The following PAPPA variants were observed in gnomAD, a reference collection of about 807,000 sequenced individuals.
PAPPA encodes pappalysin 1.
PAPPA carries 60 observed loss-of-function variants against 164.0 expected under a neutral mutation model. That is an observed-to-expected ratio of 0.37 (90% CI 0.30 to 0.45). The LOEUF is 0.45. Ranked by LOEUF, PAPPA falls within the 20% of genes least tolerant of loss-of-function variation. The pLI is 1.00. For missense variants in PAPPA, 1,782 were observed against 2,087.3 expected (o/e 0.85, Z 2.85); for synonymous variants, 875 against 814.1 (o/e 1.07, Z -1.27).
Position 116,333,312 on chromosome 9 carries a change from A to T in PAPPA, c.3397+844A>T, listed in dbSNP as rs559203170. 6.5e-4 allele frequency among the ~76,000 whole-genome samples: 99 copies of T among 152,286 alleles called. 1 individual carries two copies. The highest frequency in any genetic ancestry group is 2.3e-3 in the African/African-American group (97 of 41,558). On this transcript the variant is annotated intron_variant, in intron 12 of 21. Coordinates refer to ENST00000328252, the MANE Select transcript of PAPPA (RefSeq NM_002581.5). ...CACCTTAGAGTCAGAGTGCACTATTATTTGACACTGTTGTAACCATGCCTA... is the reference window on the plus strand; with the variant it reads ...CACCTTAGAGTCAGAGTGCACTATTTTTTGACACTGTTGTAACCATGCCTA...
intron 13 of PAPPA, among the ~76,000 whole-genome samples, chr9:116,338,644 A>T (rs1037715709): frequency 6.6e-6 from 1 of 152,246 alleles, no homozygotes; most frequent in African/African-American, 2.4e-5. Flanking sequence ...CAAAGGAATT[A>T]GTGCCTCTCA....
intron 9 of PAPPA, among the ~76,000 whole-genome samples, chr9:116,274,537 G>C (rs141915719): frequency 2.6e-5 from 4 of 152,330 alleles, no homozygotes; most frequent in Admixed American, 6.5e-5. Context: ...GATTGCATTT[G>C]TTAAGACAGT....
At chr9:116,244,714 T>A (rs1343304213) in intron 7 of PAPPA, among the ~76,000 whole-genome samples, 1 of 152,126 alleles carries the variant, frequency 6.6e-6, no homozygotes, top group Non-Finnish European at 1.5e-5. Context: ...ACACTTCTGA[T>A]GAAAATGTAA....
intron 14 of PAPPA, among the ~76,000 whole-genome samples, chr9:116,346,396 G>A (rs1157066806): frequency 2.0e-5 from 3 of 152,102 alleles, no homozygotes; most frequent in Admixed American, 1.3e-4. Flanking sequence ...AGTAGGGAGT[G>A]GATCTTTGAG....
intron 21 of PAPPA, 123 bp from the exon 22 acceptor site, chr9:116,396,386 A>G: frequency 4.2e-6 from 3 of 712,718 alleles, no homozygotes; most frequent in Non-Finnish European, 7.6e-6. Flanking sequence ...CAAGAAGCAG[A>G]GCCATAACTT....
chr9:116,169,476 C>A (rs974507557), intron 1 of PAPPA, among the ~76,000 whole-genome samples: 1 of 151,474 alleles, frequency 6.6e-6, no homozygotes, highest in Non-Finnish European at 1.5e-5. Flanking sequence ...CCTGCCACCA[C>A]GCCCAGCTAA....
chr9:116,300,973 C>T (rs946380722), intron 9 of PAPPA, among the ~76,000 whole-genome samples: 1 of 151,966 alleles, frequency 6.6e-6, no homozygotes, highest in African/African-American at 2.4e-5. Flanking sequence ...TTCTACATTA[C>T]AGACTGGGGA....
chr9:116,166,672 G>T (rs901064690), intron 1 of PAPPA, among the ~76,000 whole-genome samples: 7 of 152,154 alleles, frequency 4.6e-5, no homozygotes, highest in African/African-American at 1.4e-4. Context: ...CTATGTGCTG[G>T]CACTATGCTG....
chr9:116,220,189 C>A, intron 5 of PAPPA, 60 bp downstream of exon 5: 1 of 1,348,480 alleles, frequency 7.4e-7, no homozygotes, highest in South Asian at 1.3e-5. Flanking sequence ...AAGAAGGAAA[C>A]TTGGAAGGGA....
At chr9:116,193,609 ATAGACACCT>A (rs1444468041) in intron 2 of PAPPA, among the ~76,000 whole-genome samples, 1 of 152,142 alleles carries the variant, frequency 6.6e-6, no homozygotes, top group African/African-American at 2.4e-5. Context: ...ACTACACCCT[ATAGACACCT>A]TAGACACCAG....
intron 19 of PAPPA, among the ~76,000 whole-genome samples, chr9:116,374,840 C>G (rs573500763): frequency 6.6e-6 from 1 of 152,238 alleles, no homozygotes; most frequent in Admixed American, 6.5e-5. Flanking sequence ...AGAATGAAAG[C>G]AGGTGATCCT....
chr9:116,395,416 C>T (rs1264312181), intron 21 of PAPPA, among the ~76,000 whole-genome samples: 1 of 152,110 alleles, frequency 6.6e-6, no homozygotes, highest in Non-Finnish European at 1.5e-5. Context: ...ACTTGGAGAC[C>T]CTGCCCAGGC....
intron 10 of PAPPA, among the ~76,000 whole-genome samples, chr9:116,304,184 G>C (rs1277648581): frequency 6.6e-6 from 1 of 152,200 alleles, no homozygotes; most frequent in Non-Finnish European, 1.5e-5. Flanking sequence ...CTATTTGTCT[G>C]TCTGGCTCCC....
chr9:116,302,677 C>T, intron 9 of PAPPA, 80 bp from the exon 10 acceptor site: 1 of 1,165,136 alleles, frequency 8.6e-7, no homozygotes, highest in Non-Finnish European at 1.2e-6. Context: ...GGTGGTCTGA[C>T]TCTGCAGCTG....
chr9:116,393,615 C>A, intron 21 of PAPPA, among the ~76,000 whole-genome samples: 1 of 151,980 alleles, frequency 6.6e-6, no homozygotes, highest in East Asian at 1.9e-4. Flanking sequence ...AAGTAATTGC[C>A]GTTTTTACCA....
chr9:116,255,606 G>A (rs1430061414), intron 7 of PAPPA, among the ~76,000 whole-genome samples: 1 of 152,008 alleles, frequency 6.6e-6, no homozygotes, highest in African/African-American at 2.4e-5. Context: ...GGTTGGTATA[G>A]TTTGGATAAG....
intron 5 of PAPPA, among the ~76,000 whole-genome samples, chr9:116,226,641 T>C (rs892630312): frequency 1.3e-5 from 2 of 152,188 alleles, no homozygotes; most frequent in Admixed American, 6.5e-5. Flanking sequence ...CTCATTCCTC[T>C]CCCTTCTCCA....
chr9:116,217,445 G>T (rs1844388296), intron 4 of PAPPA, among the ~76,000 whole-genome samples: 1 of 152,100 alleles, frequency 6.6e-6, no homozygotes, highest in Non-Finnish European at 1.5e-5. Context: ...GAACAGATGT[G>T]CTATTTCTAA....
chr9:116,359,509 A>C (rs898914482), intron 17 of PAPPA, among the ~76,000 whole-genome samples: 1 of 152,236 alleles, frequency 6.6e-6, no homozygotes, highest in Non-Finnish European at 1.5e-5. Context: ...GACAACACCT[A>C]GAAAAAGTAC....
Sources: gnomAD v4.1 joint callset for allele counts (sites outside exome capture counted in the v4.1 genomes callset) on GRCh38, gnomAD v4.1.1 for gene constraint, MANE v1.5 for transcripts, NCBI Gene and HGNC (gene_info 2026-07-23, HGNC 2026-07-21) for gene names.